ADGRA3: variants seen among roughly 807,000 people sequenced by gnomAD.
The protein encoded by ADGRA3 is adhesion G protein-coupled receptor A3.
In ADGRA3, 56 loss-of-function variants were observed where a neutral mutation model predicts 119.8. The ratio of observed to expected loss-of-function variants is 0.47; its 90% CI spans 0.38 to 0.58. ADGRA3 has a LOEUF of 0.58. Ranked by LOEUF, ADGRA3 falls within the 20% of genes least tolerant of loss-of-function variation. The pLI is 0.00. For synonymous variants in ADGRA3, 607 were observed against 623.8 expected (o/e 0.97, Z 0.40); for missense variants, 1,516 against 1,649.0 (o/e 0.92, Z 1.40).
chr4:22,463,564 A>G (rs952153944), intron 2 of ADGRA3, among the ~76,000 whole-genome samples: 26 of 152,224 alleles, frequency 1.7e-4, no homozygotes, highest in African/African-American at 6.0e-4. Context: ...TCTGGCTGCA[A>G]TGAGCACAGA....
rs2109092195 is a variant in ADGRA3, at chr4:22,454,950, G to A, written c.402-13C>T. 1 of 1,598,220 alleles carries A rather than the reference G, an allele frequency of 6.3e-7. No individual in the cohort carries two copies. The highest frequency in any genetic ancestry group is 1.3e-5 in the African/African-American group (1 of 74,692). On this transcript the variant is annotated splice_polypyrimidine_tract_variant and intron_variant, in intron 3 of 18. Transcript: ENST00000334304. ...GTTTGTCAGATCCCTAAGGAGAAGG[G>A]TGGAAAAGTGTCTTCAATTAGTTCT... is the stretch of plus-strand genomic sequence containing the variant.
In ADGRA3 at chr4:22,436,425, A is replaced by G; in HGVS notation, c.1287+15T>C. ...TTCTCCACAACCCAAGTAAACATGAAGACTTTCTAGTTACCTGATTAAACA... is the reference window on the plus strand; with the variant it reads ...TTCTCCACAACCCAAGTAAACATGAGGACTTTCTAGTTACCTGATTAAACA... On this transcript the variant is annotated intron_variant, in intron 9 of 18. Transcript: ENST00000334304. 1 of 1,603,190 alleles carries G rather than the reference A, an allele frequency of 6.2e-7. No individual in the cohort carries two copies. Among genetic ancestry groups the G allele is most frequent in the Non-Finnish European group, 8.5e-7 (1 of 1,172,020 alleles).
chr4:22,429,141 T>C (rs1716058805), intron 10 of ADGRA3, among the ~76,000 whole-genome samples: 1 of 152,100 alleles, frequency 6.6e-6, no homozygotes. Context: ...ACAATAAATT[T>C]AGTTGTAATT....
At chr4:22,446,014 T>C (rs953251527) in intron 5 of ADGRA3, among the ~76,000 whole-genome samples, 12 of 152,308 alleles carry the variant, frequency 7.9e-5, no homozygotes, top group South Asian at 2.1e-4. Flanking sequence ...CATCATATAA[T>C]AGAAGAATCA....
chr4:22,505,951 G>C (rs1332887748), intron 1 of ADGRA3, among the ~76,000 whole-genome samples: 1 of 152,126 alleles, frequency 6.6e-6, no homozygotes, highest in Non-Finnish European at 1.5e-5. Context: ...GAATGCAAAA[G>C]CAAGTTTAGG....
At position 22,388,448 on chromosome 4, in the gene ADGRA3, G is replaced by A. The variant is rs766503450; in HGVS notation, c.3223C>T (p.Gln1075Ter). The change falls in exon 19 of 19, where the codon CAG becomes TAG. Residue 1075 changes from glutamine (Q) to a stop codon, truncating the protein, a stop_gained. Coordinates refer to ENST00000334304, the MANE Select transcript of ADGRA3 (RefSeq NM_145290.4). LOFTEE classifies it high-confidence loss of function. ...TTCGTCCCATTAGAGTTGGGGGGCTGGACGTTGACTTGCACTGAATACGAG... is the reference window on the plus strand; with the variant it reads ...TTCGTCCCATTAGAGTTGGGGGGCTAGACGTTGACTTGCACTGAATACGAG... The part of the protein sequence containing the change: ...RSSYSVQVNV[Q>*]PPNSNGTNGE... 1 of 1,614,090 alleles carries A rather than the reference G, an allele frequency of 6.2e-7. No homozygotes were observed. The highest frequency in any genetic ancestry group is 2.2e-5 in the East Asian group (1 of 44,848).
chr4:22,414,520 C>A, intron 12 of ADGRA3: 4 of 644,526 alleles, frequency 6.2e-6, no homozygotes, highest in East Asian at 2.8e-5. Flanking sequence ...CATCTAAAAA[C>A]ATTCCATAGT....
intron 1 of ADGRA3, among the ~76,000 whole-genome samples, chr4:22,479,099 A>G (rs1003153719): frequency 2.0e-5 from 3 of 152,114 alleles, no homozygotes; most frequent in Non-Finnish European, 2.9e-5. Context: ...CTCATCATCA[A>G]TGGTCATTAG....
Position 22,442,705 on chromosome 4 carries a change from A to G in ADGRA3, c.865T>C (p.Ser289Pro). The G allele has an allele frequency of 1.9e-6, 3 of 1,613,654 alleles. No homozygotes were observed. Among genetic ancestry groups the G allele is most frequent in the Non-Finnish European group, 2.5e-6 (3 of 1,179,786 alleles). The change falls in exon 7 of 19, where the codon TCG becomes CCG. Residue 289 changes from serine (S) to proline (P), a missense_variant. This residue lies in a region of ADGRA3 where 428 missense variants were observed against 541.9 expected (regional missense o/e 0.79). Coordinates refer to ENST00000334304, the MANE Select transcript of ADGRA3 (RefSeq NM_145290.4). ...QDGRIVETDE[S>P]QGIFVEKNMI... ...TTCTTTTCAACAAAAATACCTTGCG[A>G]TTCATCGGTTTCAACTATTCTCCCA...
chr4:22,462,424 G>A (rs547573284), intron 2 of ADGRA3, among the ~76,000 whole-genome samples: 4 of 152,038 alleles, frequency 2.6e-5, no homozygotes, highest in African/African-American at 4.8e-5. Flanking sequence ...AGCAATTCTC[G>A]TGCCTCAGCC....
chr4:22,437,905 TG>T (rs1716458265), intron 8 of ADGRA3, among the ~76,000 whole-genome samples: 1 of 152,034 alleles, frequency 6.6e-6, no homozygotes, highest in Non-Finnish European at 1.5e-5. Flanking sequence ...AAAGAGCCAC[TG>T]GGGGGAAAAA....
chr4:22,406,416 T>C (rs368298017), intron 14 of ADGRA3, among the ~76,000 whole-genome samples: 1 of 152,228 alleles, frequency 6.6e-6, no homozygotes, highest in Non-Finnish European at 1.5e-5. Context: ...TCTATAATTA[T>C]TGTACTAATT....
chr4:22,464,775 G>C (rs763415204), intron 2 of ADGRA3, among the ~76,000 whole-genome samples: 11 of 152,224 alleles, frequency 7.2e-5, no homozygotes, highest in Non-Finnish European at 1.3e-4. Context: ...GGGCTGGGGG[G>C]TCTGAGTGTG....
chr4:22,437,518 C>T (rs1420543989), intron 8 of ADGRA3, among the ~76,000 whole-genome samples: 1 of 152,116 alleles, frequency 6.6e-6, no homozygotes, highest in African/African-American at 2.4e-5. Flanking sequence ...ACTATAAACT[C>T]ATTTTTTAAA....
At chr4:22,431,475 A>G (rs1716166916) in intron 10 of ADGRA3, among the ~76,000 whole-genome samples, 1 of 152,188 alleles carries the variant, frequency 6.6e-6, no homozygotes. Flanking sequence ...GAGTCAAAGG[A>G]GATCATTTTG....
chr4:22,443,188 G>A (rs1716691767), intron 6 of ADGRA3: 1 of 609,892 alleles, frequency 1.6e-6, no homozygotes, highest in East Asian at 2.9e-5. Context: ...ATAAGTAAAT[G>A]TTGATATTTA....
chr4:22,512,600 G>A (rs980955400), intron 1 of ADGRA3, among the ~76,000 whole-genome samples: 1 of 152,106 alleles, frequency 6.6e-6, no homozygotes, highest in Non-Finnish European at 1.5e-5. Flanking sequence ...ATAAGAGAAA[G>A]GAGAGGACTT....
At chr4:22,404,693 G>A (rs1348841547) in intron 14 of ADGRA3, among the ~76,000 whole-genome samples, 1 of 152,168 alleles carries the variant, frequency 6.6e-6, no homozygotes, top group African/African-American at 2.4e-5. Flanking sequence ...CCAGAGAAAA[G>A]CGTGTCAGGA....
chr4:22,420,591 A>T, intron 12 of ADGRA3: 3 of 456,566 alleles, frequency 6.6e-6, no homozygotes, highest in Non-Finnish European at 1.1e-5. Flanking sequence ...AAGTCAAATA[A>T]GATTTTTTCA....
Sources: gnomAD v4.1 joint callset for allele counts (sites outside exome capture counted in the v4.1 genomes callset) on GRCh38, gnomAD v4.1.1 for gene constraint, gnomAD v4.1.1 regional missense constraint, MANE v1.5 for transcripts, NCBI Gene and HGNC (gene_info 2026-07-23, HGNC 2026-07-21) for gene names.